Variants in FRMPD4 observed in about 807,000 individuals in gnomAD.
FRMPD4 encodes FERM and PDZ domain containing 4, also known as FERM and PDZ domain-containing protein 4.
A neutral mutation model predicts 94.1 loss-of-function variants in FRMPD4; 22 were observed. The observed-to-expected ratio is 0.23, with a 90% confidence interval of 0.17 to 0.33. The LOEUF (loss-of-function observed/expected upper bound fraction) is 0.33. FRMPD4 is among the 10% of genes least tolerant of loss of function. FRMPD4 has a pLI of 1.00. For missense variants in FRMPD4, 1,111 were observed against 1,339.9 expected (o/e 0.83, Z 2.67); for synonymous variants, 631 against 548.6 (o/e 1.15, Z -2.10).
chrX:12,557,731 A>C (rs2148340195), intron 2 of FRMPD4, among the ~76,000 whole-genome samples: 1 of 111,460 alleles, frequency 9.0e-6, no homozygotes, highest in South Asian at 3.8e-4. Flanking sequence ...ATTTATTCTA[A>C]GTGTTACATG....
At chrX:12,331,987 A>G (rs1281392372) in intron 1 of FRMPD4, among the ~76,000 whole-genome samples, 5 of 60,795 alleles carry the variant, frequency 8.2e-5, no homozygotes, top group African/African-American at 3.0e-4. Context: ...TTTATATACT[A>G]TATATAAATT....
chrX:12,195,975 T>C (rs2056563132), intron 1 of FRMPD4, among the ~76,000 whole-genome samples: 1 of 111,720 alleles, frequency 9.0e-6, no homozygotes, highest in Non-Finnish European at 1.9e-5. Flanking sequence ...ACGGAATGGA[T>C]GTGTCAATGG....
rs1025549364 is a variant in FRMPD4 at position 12,720,698 on chromosome X, G to A, written c.4129G>A (p.Gly1377Arg). 1.9e-5 allele frequency: 21 copies of A among 1,079,118 alleles called. No individual in the cohort carries two copies. Among genetic ancestry groups the A allele is most frequent in the South Asian group, 2.5e-5 (1 of 39,828 alleles). 88.9% of individuals were successfully genotyped at this position (1,079,118 alleles called of 1,213,427 possible). A position where few individuals can be genotyped will look rare whatever the true frequency, so the allele number is the denominator to read the frequency against. Residue 1377 changes from glycine to arginine, a missense_variant, in exon 17 of 17, where the codon GGA becomes AGA. Around this residue, in one of 8 missense-constraint regions of FRMPD4, gnomAD observed 551 missense variants for 591.6 expected, o/e 0.93. Coordinates refer to ENST00000675598, the MANE Select transcript of FRMPD4 (RefSeq NM_001368397.1). ...TTTCTCCCAAGCAAATCAGGCATAC[G>A]GAGAGGCTGTGAGCTGGCGGCCACC... ...NDFSQANQAY[G>R]EAVSWRPPDL...
chrX:12,263,849 C>T (rs1217344051), intron 1 of FRMPD4, among the ~76,000 whole-genome samples: 4 of 111,309 alleles, frequency 3.6e-5, no homozygotes, highest in Non-Finnish European at 7.5e-5. Flanking sequence ...AAGATGCAGA[C>T]ATCTGCCAAG....
In FRMPD4 at chrX:11,908,906, C is replaced by A. The variant is rs764363871; in HGVS notation, c.95+30888C>A. ...TTACATCTTGCATTTCTAGAATAAACCCTACTCTGTCATGACATATCCTTT... is the reference window on the plus strand; with the variant it reads ...TTACATCTTGCATTTCTAGAATAAAACCTACTCTGTCATGACATATCCTTT... On this transcript the variant is annotated intron_variant, in intron 3 of 18. Transcript: ENST00000640291. Among the ~76,000 whole-genome samples, 15 of 111,820 alleles carry A rather than the reference C, an allele frequency of 1.3e-4. No homozygotes were observed. The Admixed American group carries it at 1.4e-3, about 11-fold the overall frequency.
chrX:12,521,967 T>C (rs1020219996), intron 2 of FRMPD4, among the ~76,000 whole-genome samples: 1 of 111,026 alleles, frequency 9.0e-6, no homozygotes, highest in East Asian at 2.8e-4. Context: ...CATGGGGCTA[T>C]AGGAGGGCAA....
At chrX:12,590,597 C>A (rs192465869) in intron 2 of FRMPD4, among the ~76,000 whole-genome samples, 96 of 112,297 alleles carry the variant, frequency 8.5e-4, no homozygotes, top group Non-Finnish European at 1.4e-3. Context: ...ACCTTAAAAA[C>A]AAAATAAGTA....
intron 2 of FRMPD4, among the ~76,000 whole-genome samples, chrX:12,559,665 C>CA (rs1186725689): frequency 4.6e-4 from 34 of 73,480 alleles, no homozygotes; most frequent in Admixed American, 2.0e-3. Context: ...AAAAAAAAAA[C>CA]AAAAAAAACT....
At position 12,629,406 on chromosome X, in the gene FRMPD4, A is replaced by AG. The variant is rs60152439; in HGVS notation, c.422+14531dup. ...TGTGTGCTACCCAGTGAAAAGACAT[A>AG]GGGGGGTAGAAGTCAGAAAAATCTG... is the stretch of plus-strand genomic sequence containing the variant. On this transcript the variant is annotated intron_variant, in intron 4 of 16. Coordinates refer to ENST00000675598, the MANE Select transcript of FRMPD4 (RefSeq NM_001368397.1). Among the ~76,000 whole-genome samples, 567 of 111,778 alleles carry AG rather than the reference A, an allele frequency of 5.1e-3. 4 individuals are homozygous for AG. The highest frequency in any genetic ancestry group is 0.017 in the African/African-American group (520 of 30,723).
At chrX:12,119,720 C>T (rs1401798481) in intron 3 of FRMPD4, among the ~76,000 whole-genome samples, 1 of 112,580 alleles carries the variant, frequency 8.9e-6, no homozygotes, top group Non-Finnish European at 1.9e-5. Flanking sequence ...TCTTTATTGT[C>T]TTGAAATAAT....
chrX:12,094,935 C>G (rs1045395350), intron 3 of FRMPD4, among the ~76,000 whole-genome samples: 12 of 111,341 alleles, frequency 1.1e-4, no homozygotes, highest in Non-Finnish European at 2.1e-4. Context: ...TGTATTTTAC[C>G]CAAACTCAGG....
intron 3 of FRMPD4, among the ~76,000 whole-genome samples, chrX:12,034,290 C>T (rs1051569359): frequency 8.9e-6 from 1 of 111,853 alleles, no homozygotes; most frequent in African/African-American, 3.2e-5. Context: ...ATGCAGTCTT[C>T]GTTGTAGGGC....
Position 12,504,461 on chromosome X carries a change from T to C in FRMPD4, c.158+5665T>C, listed in dbSNP as rs7051426. On this transcript the variant is annotated intron_variant, in intron 2 of 16. Transcript: ENST00000675598. ...ATCCAGTCAAGGGGAGGAAAGTATA[T>C]TGTAATTTTGGAATGGGGGAAACGA... 9.2e-3 allele frequency among the ~76,000 whole-genome samples: 1,034 copies of C among 112,663 alleles called. 15 individuals carry two copies. The highest frequency in any genetic ancestry group is 0.031 in the African/African-American group (954 of 31,065).
chrX:12,447,231 G>A (rs1393355131), intron 1 of FRMPD4, among the ~76,000 whole-genome samples: 8 of 111,569 alleles, frequency 7.2e-5, no homozygotes, highest in African/African-American at 9.8e-5. Context: ...TGATATTTGG[G>A]GCCAGATAAT....
intron 1 of FRMPD4, among the ~76,000 whole-genome samples, chrX:12,221,752 T>A (rs936096779): frequency 1.2e-4 from 13 of 111,193 alleles, no homozygotes; most frequent in African/African-American, 4.3e-4. Flanking sequence ...CATTAGGGGG[T>A]TAACTTAGAT....
At chrX:12,153,898 G>T (rs897832274) in intron 1 of FRMPD4, among the ~76,000 whole-genome samples, 4 of 112,664 alleles carry the variant, frequency 3.6e-5, no homozygotes, top group African/African-American at 1.3e-4. Flanking sequence ...AAAATTATAT[G>T]AAATTCAAAT....
intron 1 of FRMPD4, among the ~76,000 whole-genome samples, chrX:12,409,851 C>G (rs962875370): frequency 9.0e-6 from 1 of 111,347 alleles, no homozygotes; most frequent in African/African-American, 3.3e-5. Flanking sequence ...AAAAAGGTAC[C>G]AAGTAATATC....
chrX:12,471,604 A>G (rs1297733134), intron 1 of FRMPD4, among the ~76,000 whole-genome samples: 6 of 111,540 alleles, frequency 5.4e-5, no homozygotes, highest in African/African-American at 1.6e-4. Context: ...GAATTTTAGC[A>G]AAGTCAGAAG....
In FRMPD4 at chrX:11,902,669, A is replaced by T. The variant is rs1046753734; in HGVS notation, c.95+24651A>T. Among the ~76,000 whole-genome samples, 5 of 111,193 alleles carry T rather than the reference A, an allele frequency of 4.5e-5. No individual in the cohort carries two copies. The South Asian group carries it at 1.2e-3, about 26-fold the overall frequency. On this transcript the variant is annotated intron_variant, in intron 3 of 18. Transcript: ENST00000640291. ...TCCATAATCATAGCCTTTCAGTAAGATTTGTCAAAGAACTCTCACTTCAGG... is the reference window on the plus strand; with the variant it reads ...TCCATAATCATAGCCTTTCAGTAAGTTTTGTCAAAGAACTCTCACTTCAGG...
Sources: gnomAD v4.1 joint callset for allele counts (sites outside exome capture counted in the v4.1 genomes callset) on GRCh38, gnomAD v4.1.1 for gene constraint, gnomAD v4.1.1 regional missense constraint, MANE v1.5 for transcripts, NCBI Gene and HGNC (gene_info 2026-07-23, HGNC 2026-07-21) for gene names.